The following MACROD2 variants were observed in gnomAD, a reference collection of about 807,000 sequenced individuals.
MACROD2 encodes the protein ADP-ribose glycohydrolase MACROD2.
In MACROD2, 36 loss-of-function variants were observed where a neutral mutation model predicts 70.4. The ratio of observed to expected loss-of-function variants is 0.51; its 90% CI spans 0.39 to 0.68. The LOEUF is 0.68. Ranked by LOEUF, MACROD2 falls within the 30% of genes least tolerant of loss-of-function variation. The pLI is 0.00. For synonymous variants in MACROD2, 172 were observed against 178.8 expected, an observed-to-expected ratio of 0.96 and a Z score of 0.30; for missense variants, 496 against 538.4, an observed-to-expected ratio of 0.92 and a Z score of 0.78.
rs143389056 is a variant in MACROD2, at chr20:15,388,929, G to C, written c.541-42476G>C. Among the ~76,000 whole-genome samples, 772 of 152,306 alleles carry C rather than the reference G, an allele frequency of 5.1e-3. 9 individuals carry two copies. In the South Asian group the frequency reaches 0.051, roughly 10 times the overall value. On this transcript the variant is annotated intron_variant, in intron 6 of 17. Coordinates refer to ENST00000684519, the MANE Select transcript of MACROD2 (RefSeq NM_001351661.2). ...TCATTAGGAATAGACCTTGGAGAAA[G>C]TGAGGACATGAAGACCAAGAGGAGT...
intron 3 of MACROD2, among the ~76,000 whole-genome samples, chr20:14,143,108 A>G (rs1003119038): frequency 6.6e-6 from 1 of 152,150 alleles, no homozygotes; most frequent in African/African-American, 2.4e-5. Context: ...AGAAAATTTG[A>G]TTAGTAGGAA....
Position 14,326,382 on chromosome 20 carries a change from A to G in MACROD2, c.272-167097A>G, listed in dbSNP as rs188277793. 3.1e-6 allele frequency: 5 copies of G among 1,613,822 alleles called. No homozygotes were observed. Among genetic ancestry groups the G allele is most frequent in the Non-Finnish European group, 2.5e-6 (3 of 1,179,900 alleles). On this transcript the variant is annotated intron_variant, in intron 3 of 17. Transcript: ENST00000684519. The surrounding 1 kb of genome is among the most constrained non-coding windows in gnomAD (Gnocchi z 5.5). ...GAGCTGGCCACTGTCCTTGGGCAGG[A>G]TACACTGTGTTGGGTATTGCAGTGG...
chr20:15,381,279 G>C (rs1279169100), intron 6 of MACROD2, among the ~76,000 whole-genome samples: 1 of 151,862 alleles, frequency 6.6e-6, no homozygotes, highest in Non-Finnish European at 1.5e-5. Flanking sequence ...CTAGCCAAGA[G>C]GAGGCAGGTT....
chr20:15,124,126 C>G (rs1461965118), intron 5 of MACROD2, among the ~76,000 whole-genome samples: 4 of 151,908 alleles, frequency 2.6e-5, no homozygotes, highest in Admixed American at 2.6e-4. Flanking sequence ...CTTTTCTTCT[C>G]TCTTTGATTT....
chr20:15,869,174 A>G (rs1239837009), intron 9 of MACROD2, among the ~76,000 whole-genome samples: 2 of 145,326 alleles, frequency 1.4e-5, no homozygotes, highest in Non-Finnish European at 3.0e-5. Context: ...TAACGTATAC[A>G]CAATACGCAT....
chr20:15,712,425 G>T (rs1044366699), intron 8 of MACROD2, among the ~76,000 whole-genome samples: 7 of 152,148 alleles, frequency 4.6e-5, no homozygotes, highest in Non-Finnish European at 1.0e-4. Flanking sequence ...AAGAAGATGT[G>T]GCCAAGGGTT....
At chr20:14,949,997 ATT>A (rs895961049) in intron 5 of MACROD2, among the ~76,000 whole-genome samples, 3 of 151,936 alleles carry the variant, frequency 2.0e-5, no homozygotes, top group African/African-American at 7.2e-5. Flanking sequence ...CAAATACAAT[ATT>A]TTTTTTAGAC....
intron 8 of MACROD2, among the ~76,000 whole-genome samples, chr20:15,780,051 A>AC (rs11483816): frequency 0.093 from 14,065 of 152,014 alleles, 1,389 homozygotes; most frequent in East Asian, 0.33. Flanking sequence ...ATTAAAAAAA[A>AC]CACACATCTG....
At position 14,094,505 on chromosome 20, in the gene MACROD2, T is replaced by C. The variant is rs535884943; in HGVS notation, c.271+8777T>C. Among the ~76,000 whole-genome samples the C allele has an allele frequency of 9.5e-4, 145 of 152,332 alleles. 1 individual carries two copies. Among genetic ancestry groups the C allele is most frequent in the Admixed American group, 2.1e-3 (32 of 15,304 alleles). Reference sequence around the variant, plus strand: ...TTTTCTTGAAGTAATGGGCCCTTTTTTGATCCTTGTTTTCCTGGATCTCTC... The same window carrying C: ...TTTTCTTGAAGTAATGGGCCCTTTTCTGATCCTTGTTTTCCTGGATCTCTC... On this transcript the variant is annotated intron_variant, in intron 3 of 17. Transcript: ENST00000684519.
At chr20:15,591,521 A>G (rs187562431) in intron 8 of MACROD2, among the ~76,000 whole-genome samples, 5 of 146,468 alleles carry the variant, frequency 3.4e-5, no homozygotes, top group Non-Finnish European at 7.4e-5. Context: ...TGCTGCTTAC[A>G]ATGATGCTGA....
intron 8 of MACROD2, among the ~76,000 whole-genome samples, chr20:15,667,330 C>T (rs1049069521): frequency 6.6e-6 from 1 of 152,166 alleles, no homozygotes; most frequent in African/African-American, 2.4e-5. Flanking sequence ...TGAGGCCTCC[C>T]CAGAGGCCAA....
chr20:16,042,378 T>C (rs971949723), intron 16 of MACROD2, among the ~76,000 whole-genome samples: 3 of 152,018 alleles, frequency 2.0e-5, no homozygotes, highest in Non-Finnish European at 4.4e-5. Flanking sequence ...TAACTAGTTA[T>C]TTACAAATCA....
At position 15,131,141 on chromosome 20, in the gene MACROD2, A is replaced by C. The variant is rs188449027; in HGVS notation, c.419-98799A>C. 1.1e-4 allele frequency among the ~76,000 whole-genome samples: 16 copies of C among 152,270 alleles called. No individual in the cohort carries two copies. The East Asian group carries it at 2.3e-3, about 22-fold the overall frequency. Reference sequence around the variant, plus strand: ...GAATTGACCCGTATTCTAATCATGCACATAGAGGTTCTAGATTAACCTGCC... The same window carrying C: ...GAATTGACCCGTATTCTAATCATGCCCATAGAGGTTCTAGATTAACCTGCC... On this transcript the variant is annotated intron_variant, in intron 5 of 17. Coordinates refer to ENST00000684519, the MANE Select transcript of MACROD2 (RefSeq NM_001351661.2).
intron 5 of MACROD2, among the ~76,000 whole-genome samples, chr20:15,110,736 A>G (rs1039704625): frequency 7.9e-5 from 12 of 152,306 alleles, no homozygotes; most frequent in African/African-American, 2.6e-4. Flanking sequence ...GTGTCTCTGA[A>G]CATGGAGAGG....
chr20:15,828,819 T>G (rs144761403), intron 8 of MACROD2, among the ~76,000 whole-genome samples: 226 of 152,350 alleles, frequency 1.5e-3, no homozygotes, highest in African/African-American at 5.2e-3. Flanking sequence ...AGTAGGCACT[T>G]AAATATCTAT....
chr20:15,602,058 T>C (rs1229475144), intron 8 of MACROD2, among the ~76,000 whole-genome samples: 1 of 152,080 alleles, frequency 6.6e-6, no homozygotes. Context: ...CTGTTTCGAT[T>C]CTTCAGTCAT....
intron 5 of MACROD2, among the ~76,000 whole-genome samples, chr20:14,723,756 A>G (rs1220514555): frequency 6.6e-6 from 1 of 151,814 alleles, no homozygotes; most frequent in Non-Finnish European, 1.5e-5. Flanking sequence ...ATCTGGTCAT[A>G]TCCCTTGGTC....
intron 5 of MACROD2, among the ~76,000 whole-genome samples, chr20:14,830,231 G>T (rs6042942): frequency 1.3e-5 from 2 of 152,020 alleles, no homozygotes; most frequent in East Asian, 1.9e-4. Flanking sequence ...ATTTGAATTG[G>T]CCATGCTGTG....
chr20:15,825,173 C>A (rs2063983469), intron 8 of MACROD2, among the ~76,000 whole-genome samples: 1 of 152,170 alleles, frequency 6.6e-6, no homozygotes, highest in Non-Finnish European at 1.5e-5. Context: ...ATGCCCCCCA[C>A]TGAAAGGTGG....
Sources: gnomAD v4.1 joint callset for allele counts (sites outside exome capture counted in the v4.1 genomes callset) on GRCh38, gnomAD v4.1.1 for gene constraint, Gnocchi (gnomAD v3.1) non-coding constraint, MANE v1.5 for transcripts, NCBI Gene and HGNC (gene_info 2026-07-23, HGNC 2026-07-21) for gene names.